NUP85: variants seen among roughly 807,000 people sequenced by gnomAD.
NUP85 encodes the protein nucleoporin 85.
A neutral mutation model predicts 92.8 loss-of-function variants in NUP85; 23 were observed. The observed-to-expected ratio is 0.25, with a 90% confidence interval of 0.18 to 0.35. NUP85 has a LOEUF of 0.35. Ranked by LOEUF, NUP85 falls within the 10% of genes least tolerant of loss-of-function variation. NUP85 has a pLI of 1.00. For synonymous variants in NUP85, 314 were observed against 306.9 expected (o/e 1.02, Z -0.24); for missense variants, 759 against 822.8 (o/e 0.92, Z 0.95).
chr17:75,217,522 T>A (rs890821497), intron 6 of NUP85, among the ~76,000 whole-genome samples: 3 of 152,170 alleles, frequency 2.0e-5, no homozygotes, highest in African/African-American at 7.2e-5. Flanking sequence ...TTTTGTTTTG[T>A]TTTTTGAGAC....
chr17:75,210,362 A>G (rs1003890696), intron 3 of NUP85, among the ~76,000 whole-genome samples: 1 of 152,198 alleles, frequency 6.6e-6, no homozygotes, highest in Non-Finnish European at 1.5e-5. Flanking sequence ...GTTATTTGAC[A>G]ACAGACCAGA....
chr17:75,220,460 C>G (rs1247891035), intron 7 of NUP85, among the ~76,000 whole-genome samples: 1 of 151,532 alleles, frequency 6.6e-6, no homozygotes, highest in Non-Finnish European at 1.5e-5. Flanking sequence ...ACTGTGTTCC[C>G]CAGGCTGCAG....
intron 1 of NUP85, among the ~76,000 whole-genome samples, chr17:75,207,962 C>T (rs1157522270): frequency 6.6e-6 from 1 of 151,926 alleles, no homozygotes; most frequent in Non-Finnish European, 1.5e-5. Flanking sequence ...TGCAGTCCAG[C>T]CTGGGCAACA....
intron 6 of NUP85, among the ~76,000 whole-genome samples, chr17:75,217,440 G>A (rs532928112): frequency 2.6e-4 from 39 of 151,810 alleles, no homozygotes; most frequent in Non-Finnish European, 7.4e-5. Flanking sequence ...GGGCTCAAGC[G>A]ATCTGCCTGC....
chr17:75,229,577 AGAGT>A (rs1213490174), intron 11 of NUP85, among the ~76,000 whole-genome samples: 6 of 152,204 alleles, frequency 3.9e-5, no homozygotes, highest in Non-Finnish European at 5.9e-5. Context: ...AGAGAGAGAC[AGAGT>A]GAGAGTGGGA....
intron 7 of NUP85, among the ~76,000 whole-genome samples, chr17:75,223,631 A>T (rs1568081708): frequency 1.3e-5 from 2 of 152,014 alleles, no homozygotes; most frequent in Admixed American, 6.6e-5. Flanking sequence ...CAGGTGATCC[A>T]CCCGTCTCGG....
At chr17:75,215,645 T>C (rs2075407296) in intron 5 of NUP85, 109 bp from the exon 6 acceptor site, 4 of 969,130 alleles carry the variant, frequency 4.1e-6, no homozygotes, top group Non-Finnish European at 6.4e-6. Context: ...CAGTAACCTT[T>C]GGGTTAAGGA....
chr17:75,234,615 C>T (rs1422062199), intron 16 of NUP85, 22 bp from the exon 17 acceptor site: 3 of 1,612,850 alleles, frequency 1.9e-6, no homozygotes, highest in Admixed American at 1.7e-5. Flanking sequence ...GCAGGTTACT[C>T]AGTGCTCTTG....
chr17:75,213,199 C>T, intron 5 of NUP85, 80 bp downstream of exon 5: 2 of 1,236,364 alleles, frequency 1.6e-6, no homozygotes, highest in South Asian at 2.5e-5. Flanking sequence ...TTTGCAGTTC[C>T]TGTTATGGCA....
At chr17:75,222,820 A>G (rs574499064) in intron 7 of NUP85, among the ~76,000 whole-genome samples, 128 of 151,900 alleles carry the variant, frequency 8.4e-4, no homozygotes, top group Non-Finnish European at 1.5e-3. Context: ...CGGATCATGA[A>G]GTCAGGAGAT....
At chr17:75,233,302 C>G in intron 16 of NUP85, 144 bp downstream of exon 16, 1 of 645,630 alleles carries the variant, frequency 1.5e-6, no homozygotes, top group Middle Eastern at 4.3e-4. Context: ...CCGTCATGTC[C>G]AGGATCATGA....
chr17:75,206,541 G>A (rs1183149306), intron 1 of NUP85, among the ~76,000 whole-genome samples: 1 of 151,910 alleles, frequency 6.6e-6, no homozygotes, highest in Non-Finnish European at 1.5e-5. Flanking sequence ...TAGCAGGAGG[G>A]GCAAAAAAGG....
chr17:75,217,504 A>ATGTTTTGTTT (rs1051190188), intron 6 of NUP85, among the ~76,000 whole-genome samples: 1 of 151,132 alleles, frequency 6.6e-6, no homozygotes, highest in South Asian at 2.1e-4. Flanking sequence ...GCCCGGCCAT[A>ATGTTTTGTTT]TGTTTTGTTT....
rs779855513 is a variant in NUP85, at chr17:75,225,166, G to A, written c.661G>A (p.Asp221Asn). 9 of 1,605,554 alleles carry A rather than the reference G, an allele frequency of 5.6e-6. No homozygotes were observed. The East Asian group carries it at 6.7e-5, about 12-fold the overall frequency. The change falls in exon 8 of 19, where the codon GAT becomes AAT. Residue 221 changes from aspartate (D) to asparagine (N), a missense_variant. Asp to Asn is a conservative substitution (Grantham distance 23, BLOSUM62 1). Transcript: ENST00000245544. Reference protein sequence around the residue: ...EARQMLSKEADASPASAGICR... With the variant: ...EARQMLSKEANASPASAGICR... ...CCGACAGATGCTCTCCAAGGAAGCCGATGCCAGCCCCGCCTCTGCAGGCAT... is the reference window on the plus strand; with the variant it reads ...CCGACAGATGCTCTCCAAGGAAGCCAATGCCAGCCCCGCCTCTGCAGGCAT...
chr17:75,219,210 C>T (rs1444129468), intron 7 of NUP85, among the ~76,000 whole-genome samples: 2 of 152,236 alleles, frequency 1.3e-5, no homozygotes, highest in East Asian at 1.9e-4. Context: ...ACCTGGAATT[C>T]GGCCCGGCAC....
intron 14 of NUP85, 116 bp downstream of exon 14, chr17:75,232,095 G>C: frequency 9.2e-7 from 1 of 1,085,746 alleles, no homozygotes; most frequent in Non-Finnish European, 1.3e-6. Flanking sequence ...CACTGGAGAC[G>C]TGGGGCTGTG....
Position 75,231,741 on chromosome 17 carries a change from G to A in NUP85, c.1245-87G>A, listed in dbSNP as rs958226955. On this transcript the variant is annotated intron_variant, in intron 13 of 18. Coordinates refer to ENST00000245544, the MANE Select transcript of NUP85 (RefSeq NM_024844.5). The surrounding 1 kb of genome is among the most constrained non-coding windows in gnomAD (Gnocchi z 4.6). The stretch of plus-strand genomic sequence containing the variant: ...TCCCAGTTGGCTCCTTGAAGGCTTC[G>A]GAAGGGTCAGTGAAAGGGAGCTGTA... 6.2e-6 allele frequency: 10 copies of A among 1,605,784 alleles called. No homozygotes were observed. The highest frequency in any genetic ancestry group is 5.4e-5 in the African/African-American group (4 of 74,744).
intron 16 of NUP85, among the ~76,000 whole-genome samples, chr17:75,233,847 C>G (rs1442340732): frequency 1.3e-5 from 2 of 152,156 alleles, no homozygotes; most frequent in Non-Finnish European, 2.9e-5. Flanking sequence ...ATCCGCCTGC[C>G]TCGGCCTCCC....
At position 75,213,207 on chromosome 17, in the gene NUP85, G is replaced by C. The variant is rs1598275137; in HGVS notation, c.405+88G>C. On this transcript the variant is annotated intron_variant, in intron 5 of 18. Coordinates refer to ENST00000245544, the MANE Select transcript of NUP85 (RefSeq NM_024844.5). Reference sequence around the variant, plus strand: ...GGGTGGCTTTGCAGTTCCTGTTATGGCAGAAGTCTCTTCTTTTCAGGTAGA... The same window carrying C: ...GGGTGGCTTTGCAGTTCCTGTTATGCCAGAAGTCTCTTCTTTTCAGGTAGA... 4.7e-5 allele frequency: 54 copies of C among 1,138,038 alleles called. No homozygotes were observed. The East Asian group carries it at 1.3e-3, about 27-fold the overall frequency. The allele number at this position is 1,138,038 out of a possible 1,614,324, so 70.5% of individuals were successfully genotyped here.
Sources: allele counts gnomAD v4.1 joint callset (sites outside exome capture counted in the v4.1 genomes callset), GRCh38; gene constraint gnomAD v4.1.1; non-coding constraint Gnocchi (gnomAD v3.1); transcripts MANE v1.5; gene names NCBI Gene and HGNC (gene_info 2026-07-23, HGNC 2026-07-21).